The following SEL1L3 variants were observed in gnomAD, a reference collection of about 807,000 sequenced individuals.
The protein encoded by SEL1L3 is protein sel-1 homolog 3.
Under a neutral mutation model 142.8 loss-of-function variants are expected in SEL1L3, and 76 were observed. The observed-to-expected ratio is 0.53, with a 90% CI of 0.44 to 0.64. SEL1L3 has a LOEUF of 0.64. Among genes scored for constraint, SEL1L3 ranks in the 30% least tolerant of loss-of-function variants. The pLI is 0.00. For synonymous variants in SEL1L3, 504 were observed against 519.6 expected, an observed-to-expected ratio of 0.97 and a Z score of 0.41; for missense variants, 1,262 against 1,381.7, an observed-to-expected ratio of 0.91 and a Z score of 1.37.
rs1168616663 is a variant in SEL1L3 at position 25,862,860 on chromosome 4, CG to C, written c.-25del. Reference sequence around the variant, plus strand: ...ATGGCGAGGCCGCCCGGATCCGGGCCGGAACAGGTCACCTGGTGCAGGGACC... The same window carrying C: ...ATGGCGAGGCCGCCCGGATCCGGGCCGAACAGGTCACCTGGTGCAGGGACC... On this transcript the variant is annotated 5_prime_UTR_variant, in exon 1 of 24. Coordinates refer to ENST00000399878, the MANE Select transcript of SEL1L3 (RefSeq NM_015187.5). 5 of 1,086,810 alleles carry C rather than the reference CG, an allele frequency of 4.6e-6. No individual in the cohort carries two copies. The highest frequency in any genetic ancestry group is 3.4e-5 in the African/African-American group (2 of 59,326). 67.3% of individuals were successfully genotyped at this position (1,086,810 alleles called of 1,614,324 possible). A position where few individuals can be genotyped will look rare whatever the true frequency, so the allele number is the denominator to read the frequency against.
At chr4:25,783,973 G>A (rs532488230) in intron 14 of SEL1L3, among the ~76,000 whole-genome samples, 20 of 152,218 alleles carry the variant, frequency 1.3e-4, no homozygotes, top group East Asian at 1.2e-3. Context: ...AAATCAACCC[G>A]AATGCTATTG....
chr4:25,723,406 A>G, the SEL1L3 span, among the ~76,000 whole-genome samples: 2 of 152,304 alleles, frequency 1.3e-5, no homozygotes, highest in South Asian at 2.1e-4. Context: ...GCCAACCTAC[A>G]GGTGCCCAAG....
chr4:25,714,132 G>A, the SEL1L3 span, among the ~76,000 whole-genome samples: 1 of 152,076 alleles, frequency 6.6e-6, no homozygotes, highest in African/African-American at 2.4e-5. Context: ...AATTAGGTGA[G>A]TTTACAGATG....
the SEL1L3 span, chr4:25,720,170 G>C: frequency 6.6e-6 from 1 of 152,134 alleles, no homozygotes; most frequent in Non-Finnish European, 1.5e-5. Flanking sequence ...ACTAATATAA[G>C]GGCTGTGCTG....
At chr4:25,847,950 A>AT (rs1407292688) in intron 1 of SEL1L3, 86 bp from the exon 2 acceptor site, 1 of 821,622 alleles carries the variant, frequency 1.2e-6, no homozygotes, top group African/African-American at 1.7e-5. Context: ...TTTTCCTGGG[A>AT]TAAAAAAATA....
chr4:25,734,579 CT>C, the SEL1L3 span, among the ~76,000 whole-genome samples: 18 of 150,672 alleles, frequency 1.2e-4, no homozygotes, highest in Admixed American at 9.3e-4. Flanking sequence ...TTTGTATCTT[CT>C]TTTTTTTTGA....
At chr4:25,772,310 T>A (rs1719281369) in intron 17 of SEL1L3, among the ~76,000 whole-genome samples, 1 of 152,052 alleles carries the variant, frequency 6.6e-6, no homozygotes, top group East Asian at 1.9e-4. Context: ...GACTGAGACA[T>A]ACCTTTAAAA....
chr4:25,814,465 AT>A (rs1407492923), intron 9 of SEL1L3, among the ~76,000 whole-genome samples: 2 of 152,232 alleles, frequency 1.3e-5, no homozygotes, highest in African/African-American at 4.8e-5. Context: ...GCTTGAATCC[AT>A]TCTTATAGCT....
intron 2 of SEL1L3, among the ~76,000 whole-genome samples, chr4:25,842,926 G>A (rs1310525593): frequency 6.6e-6 from 1 of 152,226 alleles, no homozygotes; most frequent in Non-Finnish European, 1.5e-5. Context: ...GGCGGTGGGG[G>A]TGGGCCTGCT....
At chr4:25,858,341 T>C (rs1320590696) in intron 1 of SEL1L3, among the ~76,000 whole-genome samples, 1 of 152,148 alleles carries the variant, frequency 6.6e-6, no homozygotes, top group Non-Finnish European at 1.5e-5. Flanking sequence ...TCATAATACC[T>C]CTCCCTCAAG....
intron 2 of SEL1L3, among the ~76,000 whole-genome samples, chr4:25,841,513 A>T (rs1716164887): frequency 6.6e-6 from 1 of 152,240 alleles, no homozygotes; most frequent in Admixed American, 6.5e-5. Context: ...AGTTTAGCCT[A>T]ATGAATAAGT....
rs775874967 is a variant in SEL1L3 at position 25,748,516 on chromosome 4, G to A, written c.3308C>T (p.Thr1103Met). 23 of 1,611,884 alleles carry A rather than the reference G, an allele frequency of 1.4e-5. No individual in the cohort carries two copies. The highest frequency in any genetic ancestry group is 1.1e-4 in the East Asian group (5 of 44,844). Residue 1103 changes from threonine to methionine, a missense_variant, in exon 24 of 24, where the codon ACG becomes ATG. This residue lies in a region of SEL1L3 where 138 missense variants were observed against 129.7 expected (regional missense o/e 1.06). Coordinates refer to ENST00000399878, the MANE Select transcript of SEL1L3 (RefSeq NM_015187.5). ...AGTCACAGCTGGACTTGCAGTGGACGTGGCAGTGTCTGGGGAGGCCTGGGA... is the reference window on the plus strand; with the variant it reads ...AGTCACAGCTGGACTTGCAGTGGACATGGCAGTGTCTGGGGAGGCCTGGGA... Reference protein sequence around the residue: ...RPSQASPDTATSTASPAVTPA... With the variant: ...RPSQASPDTAMSTASPAVTPA...
intron 6 of SEL1L3, among the ~76,000 whole-genome samples, chr4:25,823,267 G>A (rs1714885745): frequency 6.6e-6 from 1 of 152,220 alleles, no homozygotes; most frequent in Non-Finnish European, 1.5e-5. Context: ...TGTAATCCCA[G>A]CACTTTGGGA....
intron 12 of SEL1L3, among the ~76,000 whole-genome samples, chr4:25,789,542 G>A (rs903702318): frequency 7.0e-5 from 10 of 143,648 alleles, no homozygotes; most frequent in Non-Finnish European, 1.0e-4. Flanking sequence ...CTATGATCAC[G>A]CCACTGAGCT....
chr4:25,761,022 C>T (rs1021961141), intron 20 of SEL1L3, among the ~76,000 whole-genome samples: 1 of 152,124 alleles, frequency 6.6e-6, no homozygotes, highest in Non-Finnish European at 1.5e-5. Context: ...TAAACTCCAC[C>T]ATGGTGCCAA....
the SEL1L3 span, among the ~76,000 whole-genome samples, chr4:25,728,535 A>G: frequency 7.9e-5 from 12 of 151,756 alleles, 1 homozygote; most frequent in South Asian, 2.3e-3. Flanking sequence ...GCCCTTTCCT[A>G]CCTACCTGTC....
intron 5 of SEL1L3, among the ~76,000 whole-genome samples, chr4:25,830,538 A>G (rs1715368194): frequency 6.6e-6 from 1 of 152,168 alleles, no homozygotes; most frequent in African/African-American, 2.4e-5. Context: ...CCTTAGGGGG[A>G]AAACAAGATT....
intron 20 of SEL1L3, among the ~76,000 whole-genome samples, chr4:25,762,821 C>G (rs946107663): frequency 1.2e-4 from 19 of 152,042 alleles, no homozygotes; most frequent in Admixed American, 1.2e-3. Flanking sequence ...CTACTAAAAA[C>G]ACAAAAATTA....
At position 25,808,396 on chromosome 4, in the gene SEL1L3, A is replaced by C. The variant is rs145862510; in HGVS notation, c.1565-3644T>G. ...TTCCCCTTTTTCACAGTAATATCATAAGGTCACCGTTTGTGTGCTCATCTT... is the reference window on the plus strand; with the variant it reads ...TTCCCCTTTTTCACAGTAATATCATCAGGTCACCGTTTGTGTGCTCATCTT... On this transcript the variant is annotated intron_variant, in intron 9 of 23. Coordinates refer to ENST00000399878, the MANE Select transcript of SEL1L3 (RefSeq NM_015187.5). Among the ~76,000 whole-genome samples the C allele has an allele frequency of 1.1e-3, 174 of 152,294 alleles. 1 individual carries two copies. Among genetic ancestry groups the C allele is most frequent in the African/African-American group, 4.0e-3 (165 of 41,574 alleles).
Sources: gnomAD v4.1 joint callset for allele counts (sites outside exome capture counted in the v4.1 genomes callset) on GRCh38, gnomAD v4.1.1 for gene constraint, gnomAD v4.1.1 regional missense constraint, MANE v1.5 for transcripts, NCBI Gene and HGNC (gene_info 2026-07-23, HGNC 2026-07-21) for gene names.